The following KCNN3 variants were observed in gnomAD, a reference collection of about 807,000 sequenced individuals.
KCNN3 encodes small conductance calcium-activated potassium channel protein 3.
In KCNN3, 16 loss-of-function variants were observed where a neutral mutation model predicts 62.9. The observed-to-expected ratio is 0.25, with a 90% confidence interval of 0.17 to 0.39. The LOEUF is 0.39. KCNN3 is among the 10% of genes least tolerant of loss of function. KCNN3 has a pLI of 1.00. For synonymous variants in KCNN3, 370 were observed against 389.2 expected (o/e 0.95, Z 0.58); for missense variants, 599 against 949.4 (o/e 0.63, Z 4.85).
At chr1:154,832,024 C>T (rs894614078) in intron 1 of KCNN3, among the ~76,000 whole-genome samples, 2 of 152,026 alleles carry the variant, frequency 1.3e-5, no homozygotes, top group Non-Finnish European at 2.9e-5. Flanking sequence ...TTGGGGCTCC[C>T]GGCCTATGCT....
At chr1:154,796,279 C>A (rs1260264437) in intron 2 of KCNN3, among the ~76,000 whole-genome samples, 5 of 152,228 alleles carry the variant, frequency 3.3e-5, no homozygotes, top group Non-Finnish European at 4.4e-5. Flanking sequence ...CTCCCAGGAC[C>A]ATTTTCCTGG....
At chr1:154,774,004 T>G (rs1005005833) in intron 2 of KCNN3, among the ~76,000 whole-genome samples, 3 of 152,214 alleles carry the variant, frequency 2.0e-5, no homozygotes, top group Admixed American at 2.0e-4. Flanking sequence ...CTAACACTAC[T>G]GGCTCCATGA....
intron 4 of KCNN3, among the ~76,000 whole-genome samples, chr1:154,727,166 C>T (rs1020239289): frequency 4.6e-5 from 7 of 152,162 alleles, no homozygotes; most frequent in South Asian, 2.1e-4. Flanking sequence ...GCATGCTGTG[C>T]CCTGCGCCGC....
chr1:154,782,470 G>A (rs1211659147), intron 2 of KCNN3, among the ~76,000 whole-genome samples: 2 of 152,224 alleles, frequency 1.3e-5, no homozygotes, highest in Non-Finnish European at 2.9e-5. Flanking sequence ...CAGAGAAAGG[G>A]AGAGGGATCT....
chr1:154,744,558 G>C (rs1242090160), intron 3 of KCNN3, among the ~76,000 whole-genome samples: 1 of 152,234 alleles, frequency 6.6e-6, no homozygotes, highest in Admixed American at 6.5e-5. Context: ...CTCTGTATGT[G>C]ACTGGCATTC....
At chr1:154,823,689 G>A (rs1417836792) in intron 1 of KCNN3, among the ~76,000 whole-genome samples, 1 of 152,228 alleles carries the variant, frequency 6.6e-6, no homozygotes, top group African/African-American at 2.4e-5. Flanking sequence ...GTAAGGTAGA[G>A]TATGATCAAT....
chr1:154,801,646 A>G (rs543646907), intron 2 of KCNN3, among the ~76,000 whole-genome samples: 1 of 152,310 alleles, frequency 6.6e-6, no homozygotes, highest in South Asian at 2.1e-4. Context: ...AACTTTTGCC[A>G]CTTATTTTTA....
At chr1:154,843,118 G>T (rs1651904397) in intron 1 of KCNN3, among the ~76,000 whole-genome samples, 1 of 152,118 alleles carries the variant, frequency 6.6e-6, no homozygotes, top group Non-Finnish European at 1.5e-5. Context: ...CATAGACATA[G>T]ATGCTGAAGA....
At chr1:154,792,579 C>T (rs548158005) in intron 2 of KCNN3, among the ~76,000 whole-genome samples, 64 of 152,314 alleles carry the variant, frequency 4.2e-4, no homozygotes, top group South Asian at 1.0e-3. Flanking sequence ...ATGGCCATCC[C>T]TTATTCCAGT....
At chr1:154,837,485 C>T (rs1651639658) in intron 1 of KCNN3, among the ~76,000 whole-genome samples, 3 of 152,216 alleles carry the variant, frequency 2.0e-5, no homozygotes, top group South Asian at 4.2e-4. Flanking sequence ...AGGAAAACAG[C>T]CAACCCAGCC....
chr1:154,721,359 G>A (rs1310246865), intron 5 of KCNN3, among the ~76,000 whole-genome samples: 1 of 149,020 alleles, frequency 6.7e-6, no homozygotes, highest in Non-Finnish European at 1.5e-5. Flanking sequence ...GAGTGCAGTG[G>A]CACGATCTCA....
chr1:154,772,904 A>G lies in KCNN3; in HGVS notation c.1030-511T>C, dbSNP rs572720330. On this transcript the variant is annotated intron_variant, in intron 2 of 7. Transcript: ENST00000271915. The surrounding 1 kb of genome is among the most constrained non-coding windows in gnomAD (Gnocchi z 5.6). Reference sequence around the variant, plus strand: ...CCACCCCACCACCTCCTGAGAAGGAAGAGGGGCCCGAAGGTTGAGTTGATC... The same window carrying G: ...CCACCCCACCACCTCCTGAGAAGGAGGAGGGGCCCGAAGGTTGAGTTGATC... 3.9e-5 allele frequency among the ~76,000 whole-genome samples: 6 copies of G among 152,250 alleles called. No homozygotes were observed. Among genetic ancestry groups the G allele is most frequent in the African/African-American group, 1.4e-4 (6 of 41,542 alleles).
At chr1:154,857,251 C>A (rs994582162) in intron 1 of KCNN3, among the ~76,000 whole-genome samples, 24 of 152,224 alleles carry the variant, frequency 1.6e-4, no homozygotes, top group African/African-American at 5.5e-4. Flanking sequence ...GTTTTCTCAA[C>A]AAGGCTGCAC....
chr1:154,789,566 C>T (rs755939304), intron 2 of KCNN3, among the ~76,000 whole-genome samples: 12 of 152,298 alleles, frequency 7.9e-5, no homozygotes, highest in Admixed American at 2.0e-4. Flanking sequence ...GGCTCCAAGA[C>T]GTCAGCTGAA....
intron 3 of KCNN3, among the ~76,000 whole-genome samples, chr1:154,768,720 G>T (rs1023517243): frequency 6.6e-6 from 1 of 152,156 alleles, no homozygotes; most frequent in Non-Finnish European, 1.5e-5. Context: ...GGTCCTGGAG[G>T]GGGCATCTGT....
intron 2 of KCNN3, among the ~76,000 whole-genome samples, chr1:154,785,701 G>A (rs1649253012): frequency 6.8e-6 from 1 of 146,514 alleles, no homozygotes; most frequent in Non-Finnish European, 1.5e-5. Flanking sequence ...TCCTGCCTCA[G>A]CCTCCCGAGT....
chr1:154,732,354 G>T (rs555811870), intron 4 of KCNN3, among the ~76,000 whole-genome samples: 1 of 152,190 alleles, frequency 6.6e-6, no homozygotes, highest in Non-Finnish European at 1.5e-5. Context: ...GAAAGGGCAC[G>T]GCACACCTGC....
intron 1 of KCNN3, among the ~76,000 whole-genome samples, chr1:154,852,783 A>C (rs776866164): frequency 6.6e-6 from 1 of 152,086 alleles, no homozygotes; most frequent in Non-Finnish European, 1.5e-5. Context: ...TAATATGGCT[A>C]CTCAGGAATT....
intron 2 of KCNN3, among the ~76,000 whole-genome samples, chr1:154,798,579 AT>A (rs1649827038): frequency 6.6e-6 from 1 of 152,224 alleles, no homozygotes; most frequent in African/African-American, 2.4e-5. Flanking sequence ...TATGGGAGAC[AT>A]TGTTTACACT....
Sources: allele counts gnomAD v4.1 joint callset (sites outside exome capture counted in the v4.1 genomes callset), GRCh38; gene constraint gnomAD v4.1.1; non-coding constraint Gnocchi (gnomAD v3.1); transcripts MANE v1.5; gene names NCBI Gene and HGNC (gene_info 2026-07-23, HGNC 2026-07-21).